DCBLD2: variants seen among roughly 807,000 people sequenced by gnomAD.
DCBLD2 encodes discoidin, CUB and LCCL domain containing 2.
DCBLD2 carries 54 observed loss-of-function variants against 86.8 expected under a neutral mutation model. The ratio of observed to expected loss-of-function variants is 0.62; its 90% CI spans 0.50 to 0.78. The LOEUF is 0.78. Ranked by LOEUF, DCBLD2 falls within the 30% of genes least tolerant of loss-of-function variation. The probability of loss-of-function intolerance (pLI) is 0.00; values close to 1 mark genes in which losing one functional copy is unlikely to be tolerated. For synonymous variants in DCBLD2, 354 were observed against 341.3 expected, an observed-to-expected ratio of 1.04 and a Z score of -0.41; for missense variants, 908 against 954.2, an observed-to-expected ratio of 0.95 and a Z score of 0.64.
intron 4 of DCBLD2, among the ~76,000 whole-genome samples, chr3:98,824,161 G>A (rs1199190203): frequency 6.6e-6 from 1 of 152,064 alleles, no homozygotes; most frequent in East Asian, 1.9e-4. Context: ...TGAAGAGTAT[G>A]GAATATATTT....
At chr3:98,879,858 G>A (rs1454565800) in intron 2 of DCBLD2, among the ~76,000 whole-genome samples, 1 of 152,100 alleles carries the variant, frequency 6.6e-6, no homozygotes, top group Non-Finnish European at 1.5e-5. Context: ...TCAGTAGAAT[G>A]TATTTCTCTA....
chr3:98,822,791 G>A, intron 4 of DCBLD2, 50 bp from the exon 5 acceptor site: 1 of 1,476,774 alleles, frequency 6.8e-7, no homozygotes, highest in South Asian at 1.3e-5. Context: ...ATTTTACAGG[G>A]AAAAAAGCAA....
At chr3:98,886,162 C>T (rs965138956) in intron 1 of DCBLD2, among the ~76,000 whole-genome samples, 2 of 151,676 alleles carry the variant, frequency 1.3e-5, no homozygotes, top group African/African-American at 4.8e-5. Context: ...TTTTATGTTC[C>T]GACTTTCCAA....
intron 3 of DCBLD2, among the ~76,000 whole-genome samples, chr3:98,825,639 GTATTTATATATATATATA>G (rs1305371087): frequency 1.7e-5 from 1 of 59,426 alleles, no homozygotes; most frequent in Non-Finnish European, 3.4e-5. Context: ...ATGTATATGT[GTATTTATATATATATATA>G]TATATATATA....
chr3:98,839,864 A>G (rs1942589043), intron 3 of DCBLD2, among the ~76,000 whole-genome samples: 1 of 152,258 alleles, frequency 6.6e-6, no homozygotes, highest in African/African-American at 2.4e-5. Flanking sequence ...TTTTAAGTAC[A>G]GTGGTCAGAT....
chr3:98,822,415 A>T, intron 5 of DCBLD2, 54 bp from the exon 6 acceptor site: 1 of 1,567,974 alleles, frequency 6.4e-7, no homozygotes, highest in Non-Finnish European at 8.6e-7. Flanking sequence ...AATAATTCAT[A>T]AACAAGACAC....
chr3:98,826,378 C>T (rs559619638), intron 3 of DCBLD2, among the ~76,000 whole-genome samples: 6 of 152,194 alleles, frequency 3.9e-5, no homozygotes, highest in Non-Finnish European at 8.8e-5. Context: ...GTAAGGCTTT[C>T]CCACTACTAC....
At chr3:98,822,568 CA>C in intron 5 of DCBLD2, 100 bp downstream of exon 5, 1 of 1,308,466 alleles carries the variant, frequency 7.6e-7, no homozygotes, top group Non-Finnish European at 1.0e-6. Flanking sequence ...CTTAAAAAGG[CA>C]AAAGATAAGG....
chr3:98,813,923 C>T (rs1941981589), intron 9 of DCBLD2: 1 of 152,154 alleles, frequency 6.6e-6, no homozygotes, highest in African/African-American at 2.4e-5. Context: ...AGCAACTTGA[C>T]TCTGGGTCTT....
intron 2 of DCBLD2, among the ~76,000 whole-genome samples, chr3:98,857,508 G>A (rs1476303262): frequency 6.6e-6 from 1 of 152,120 alleles, no homozygotes; most frequent in Non-Finnish European, 1.5e-5. Flanking sequence ...GTTATGACAG[G>A]GTGCTGATTG....
intron 1 of DCBLD2, among the ~76,000 whole-genome samples, chr3:98,900,378 GGAAAA>G (rs764997203): frequency 5.9e-5 from 9 of 152,046 alleles, no homozygotes; most frequent in Non-Finnish European, 1.3e-4. Flanking sequence ...GTACTAAAGG[GGAAAA>G]GAAATCACCC....
intron 2 of DCBLD2, among the ~76,000 whole-genome samples, chr3:98,868,246 G>A (rs1481507702): frequency 6.6e-6 from 1 of 152,170 alleles, no homozygotes; most frequent in East Asian, 1.9e-4. Context: ...CCTATTCAAA[G>A]ATGAACTTCA....
chr3:98,826,577 G>A (rs1220424921), intron 3 of DCBLD2, among the ~76,000 whole-genome samples: 1 of 152,154 alleles, frequency 6.6e-6, no homozygotes, highest in Non-Finnish European at 1.5e-5. Flanking sequence ...AGCCTGACTT[G>A]TTGGTGTAAT....
Position 98,819,310 on chromosome 3 carries a change from T to A in DCBLD2, c.979A>T (p.Lys327Ter). The A allele has an allele frequency of 1.9e-6, 3 of 1,613,902 alleles. No individual in the cohort carries two copies. Among genetic ancestry groups the A allele is most frequent in the Non-Finnish European group, 2.5e-6 (3 of 1,179,836 alleles). The part of the protein sequence containing the change: ...TDHTGQENSW[K>*]PKKARLKKPG... ...TTTTTCAGCCTGGCTTTTTTGGGTT[T>A]CCAACTGTTCTCTTGCCCTGTGTGG... Residue 327 changes from lysine to a stop codon, truncating the protein, a stop_gained, in exon 8 of 16, where the codon AAA becomes TAA. Transcript: ENST00000326840. LOFTEE classifies it high-confidence loss of function.
At chr3:98,850,271 T>C (rs964658872) in intron 2 of DCBLD2, among the ~76,000 whole-genome samples, 1 of 152,232 alleles carries the variant, frequency 6.6e-6, no homozygotes, top group African/African-American at 2.4e-5. Context: ...AGAATTGTCT[T>C]GGGCCACACA....
At position 98,819,306 on chromosome 3, in the gene DCBLD2, G is replaced by A. The variant is rs1942076731; in HGVS notation, c.983C>T (p.Pro328Leu). Residue 328 changes from proline (P) to leucine (L), a missense_variant, in exon 8 of 16, where the codon CCC becomes CTC. This residue lies in a region of DCBLD2 where 606 missense variants were observed against 678.5 expected (regional missense o/e 0.89). Transcript: ENST00000326840. ...DHTGQENSWK[P>L]KKARLKKPGP... The stretch of plus-strand genomic sequence containing the variant: ...AGGTTTTTTCAGCCTGGCTTTTTTG[G>A]GTTTCCAACTGTTCTCTTGCCCTGT... 2 of 1,613,526 alleles carry A rather than the reference G, an allele frequency of 1.2e-6. No homozygotes were observed. The highest frequency in any genetic ancestry group is 1.7e-6 in the Non-Finnish European group (2 of 1,179,818).
chr3:98,800,427 A>G (rs1941697927), intron 15 of DCBLD2, among the ~76,000 whole-genome samples, 152 bp downstream of exon 15: 1 of 152,182 alleles, frequency 6.6e-6, no homozygotes, highest in African/African-American at 2.4e-5. Context: ...CTCTCTGAAG[A>G]GTCACCTTTT....
intron 2 of DCBLD2, among the ~76,000 whole-genome samples, chr3:98,851,480 A>G (rs1018096616): frequency 2.0e-5 from 3 of 152,238 alleles, no homozygotes; most frequent in African/African-American, 7.2e-5. Flanking sequence ...CGTGGATAGG[A>G]AGAATCAATA....
intron 3 of DCBLD2, among the ~76,000 whole-genome samples, chr3:98,839,144 CTTCTTTCT>C (rs1328181094): frequency 2.7e-5 from 3 of 111,042 alleles, no homozygotes; most frequent in African/African-American, 1.1e-4. Context: ...TCCTTCCTTC[CTTCTTTCT>C]TTCTTTCTTT....
Sources: gnomAD v4.1 joint callset for allele counts (sites outside exome capture counted in the v4.1 genomes callset) on GRCh38, gnomAD v4.1.1 for gene constraint, gnomAD v4.1.1 regional missense constraint, MANE v1.5 for transcripts, NCBI Gene and HGNC (gene_info 2026-07-23, HGNC 2026-07-21) for gene names.